Variants in PFKFB2 observed in about 807,000 individuals in gnomAD.
The protein encoded by PFKFB2 is 6-phosphofructo-2-kinase/fructose-2,6-biphosphatase 2, also known as 6-phosphofructo-2-kinase/fructose-2,6-bisphosphatase 2.
A neutral mutation model predicts 68.0 loss-of-function variants in PFKFB2; 53 were observed. The observed-to-expected ratio is 0.78, with a 90% CI of 0.63 to 0.98. The LOEUF (loss-of-function observed/expected upper bound fraction) is 0.98, where lower values mean the gene tolerates loss of function less well. Among genes scored for constraint, PFKFB2 ranks in the 50% least tolerant of loss-of-function variants. The pLI, the probability that PFKFB2 is intolerant of heterozygous loss-of-function variation, is 0.00. For missense variants in PFKFB2, 451 were observed against 642.0 expected (o/e 0.70, Z 3.22); for synonymous variants, 222 against 227.6 (o/e 0.98, Z 0.22).
At chr1:207,051,117 AGT>A, upstream of PFKFB2, 2 of 1,426,506 alleles carry the variant, frequency 1.4e-6, no homozygotes, top group Non-Finnish European at 1.8e-6. Flanking sequence ...ACTCTTTTAA[AGT>A]GACAACTGAT....
rs764049165 is a variant in PFKFB2 at position 207,068,143 on chromosome 1, T to TTTTCA, written c.841-16_841-12dup. The TTTTCA allele has an allele frequency of 1.3e-6, 2 of 1,596,218 alleles. No individual in the cohort carries two copies. The highest frequency in any genetic ancestry group is 2.7e-5 in the African/African-American group (2 of 73,286). ...CTGTGTGTTTTCTTTTTACCCTTAA[T>TTTTCA]TTTCATTTTTAAACCCCAGTTTGCC... On this transcript the variant is annotated intron_variant, in intron 9 of 14. Coordinates refer to ENST00000367080, the MANE Select transcript of PFKFB2 (RefSeq NM_006212.2).
At chr1:207,051,036 G>C (rs1418336304), upstream of PFKFB2, 1 of 1,497,366 alleles carries the variant, frequency 6.7e-7, no homozygotes, top group Admixed American at 2.3e-5. Context: ...AACATCGCGA[G>C]AAGTTGCGGG....
Position 207,063,671 on chromosome 1 carries a change from T to C in PFKFB2, c.451-102T>C. The C allele has an allele frequency of 3.0e-6, 3 of 991,468 alleles. No homozygotes were observed. The highest frequency in any genetic ancestry group is 4.9e-6 in the Non-Finnish European group (3 of 616,198). 61.4% of individuals were successfully genotyped at this position (991,468 alleles called of 1,614,324 possible). A position where few individuals can be genotyped will look rare whatever the true frequency, so the allele number is the denominator to read the frequency against. On this transcript the variant is annotated intron_variant, in intron 6 of 14. Transcript: ENST00000367080. The surrounding 1 kb of genome is among the most constrained non-coding windows in gnomAD (Gnocchi z 4.1). ...TTGAGGGCCACTTTCATGAAGAAAA[T>C]CCTGGGAGATGTGGTGGCTGGGTGG...
rs192200430 is a variant in PFKFB2, at chr1:207,046,735, A to G, written c.-18+4523A>G. 20 of 152,136 alleles carry G rather than the reference A, an allele frequency of 1.3e-4. 1 individual carries two copies. The highest frequency in any genetic ancestry group is 2.2e-4 in the Non-Finnish European group (15 of 67,934). The allele number at this position is 152,136 out of a possible 1,614,324, so 9.4% of individuals were successfully genotyped here. On this transcript the variant is annotated intron_variant, in intron 2 of 5. Coordinates refer to the PFKFB2 transcript ENST00000545806. Reference sequence around the variant, plus strand: ...ATGAAGGGGTTTAATTCTGTAAAATATCAGTGTTCTATTCCTTTCCATTTG... The same window carrying G: ...ATGAAGGGGTTTAATTCTGTAAAATGTCAGTGTTCTATTCCTTTCCATTTG...
At chr1:207,077,879 C>G, downstream of PFKFB2, 1 of 855,336 alleles carries the variant, frequency 1.2e-6, no homozygotes, top group Non-Finnish European at 1.4e-6. Context: ...CCTTCCCCAC[C>G]CCTAAAACTT....
At chr1:207,046,117 G>C (rs1325276030) in intron 2 of PFKFB2, 1 of 151,994 alleles carries the variant, frequency 6.6e-6, no homozygotes, top group Non-Finnish European at 1.5e-5. Context: ...AGAAAAGTAA[G>C]AGAAAGGAAG....
intron 1 of PFKFB2, among the ~76,000 whole-genome samples, chr1:207,040,963 C>G (rs957558249): frequency 1.5e-4 from 20 of 134,750 alleles, no homozygotes; most frequent in Admixed American, 1.2e-3. Context: ...GAGTCTCGCT[C>G]TGTCGCCTAG....
chr1:207,070,451 A>T lies in PFKFB2; in HGVS notation c.1222+42A>T. On this transcript the variant is annotated intron_variant, in intron 12 of 14. Coordinates refer to ENST00000367080, the MANE Select transcript of PFKFB2 (RefSeq NM_006212.2). The surrounding 1 kb of genome is among the most constrained non-coding windows in gnomAD (Gnocchi z 4.2). ...GGCTGGGAGACACATCCAGTGGGAG[A>T]GGGCTGGACTTGCAGTGGCACCAGG... The T allele has an allele frequency of 6.3e-7, 1 of 1,600,000 alleles. No homozygotes were observed. The highest frequency in any genetic ancestry group is 8.5e-7 in the Non-Finnish European group (1 of 1,171,152).
chr1:207,072,990 T>A lies in PFKFB2; in HGVS notation c.*619T>A. On this transcript the variant is annotated 3_prime_UTR_variant, in exon 15 of 15. Transcript: ENST00000367080. ...GCTTTCTGCAGTGGGTCTAAATGGA[T>A]CTGGACTGGAGGAGTCTTTCCTTTC... 1 of 985,502 alleles carries A rather than the reference T, an allele frequency of 1.0e-6. No individual in the cohort carries two copies. Among genetic ancestry groups the A allele is most frequent in the Non-Finnish European group, 1.2e-6 (1 of 830,050 alleles). The allele number at this position is 985,502 out of a possible 1,614,324, so 61.0% of individuals were successfully genotyped here. A position where few individuals can be genotyped will look rare whatever the true frequency, so the allele number is the denominator to read the frequency against.
At chr1:207,040,086 C>T (rs1457825993) in intron 1 of PFKFB2, among the ~76,000 whole-genome samples, 2 of 152,118 alleles carry the variant, frequency 1.3e-5, no homozygotes, top group Non-Finnish European at 2.9e-5. Flanking sequence ...CCAGCACTGG[C>T]GTGGGGACTA....
chr1:207,041,859 A>C (rs1046398365), intron 1 of PFKFB2, among the ~76,000 whole-genome samples: 5 of 152,238 alleles, frequency 3.3e-5, no homozygotes, highest in African/African-American at 1.2e-4. Context: ...ACAGTGTAAC[A>C]CGTGCCTATT....
intron 1 of PFKFB2, among the ~76,000 whole-genome samples, chr1:207,039,559 C>A (rs879350866): frequency 2.6e-5 from 4 of 152,118 alleles, no homozygotes; most frequent in Non-Finnish European, 4.4e-5. Context: ...CAAATTCTTA[C>A]GAAACCCTTC....
intron 1 of PFKFB2, among the ~76,000 whole-genome samples, chr1:207,035,654 AAAACAAAC>A (rs994493045): frequency 6.6e-6 from 1 of 150,996 alleles, no homozygotes; most frequent in African/African-American, 2.5e-5. Flanking sequence ...CCCTGTCTTA[AAAACAAAC>A]AAACAAACAA....
At chr1:207,048,250 T>C (rs897167571) in intron 2 of PFKFB2, 1 of 152,626 alleles carries the variant, frequency 6.6e-6, no homozygotes, top group African/African-American at 2.4e-5. Context: ...CAGGCACCTA[T>C]TCCCTCATAC....
intron 9 of PFKFB2, 51 bp downstream of exon 9, chr1:207,067,757 C>A: frequency 7.1e-7 from 1 of 1,405,536 alleles, no homozygotes; most frequent in Non-Finnish European, 1.0e-6. Context: ...GTTAGAAGGG[C>A]ATGACTGAGG....
At chr1:207,056,843 C>T (rs1005797380) in intron 2 of PFKFB2, among the ~76,000 whole-genome samples, 3 of 152,172 alleles carry the variant, frequency 2.0e-5, no homozygotes, top group African/African-American at 4.8e-5. Flanking sequence ...TGTTAACTTA[C>T]TTCCTTTTCC....
chr1:207,055,438 G>C (rs771575807), intron 2 of PFKFB2, among the ~76,000 whole-genome samples: 5 of 152,066 alleles, frequency 3.3e-5, no homozygotes, highest in African/African-American at 9.7e-5. Flanking sequence ...ACAGCAGGAG[G>C]GTTTGCGAGG....
At chr1:207,053,206 A>G (rs1682805378), upstream of PFKFB2, 1 of 152,416 alleles carries the variant, frequency 6.6e-6, no homozygotes, top group African/African-American at 2.4e-5. Flanking sequence ...GATTCTCTCC[A>G]GGTGAGGACC....
Position 207,077,151 on chromosome 1 carries a change from CCCTG to C in PFKFB2, c.*4782_*4785del. On this transcript the variant is annotated 3_prime_UTR_variant, in exon 15 of 15. Coordinates refer to ENST00000367080, the MANE Select transcript of PFKFB2 (RefSeq NM_006212.2). ...TTACTTGAAGTCATCTCATCCAGTC[CCCTG>C]CTTTAGGGCAGGACTTCAGTTCCAC... is the stretch of plus-strand genomic sequence containing the variant. 1.0e-6 allele frequency: 1 copy of C among 984,822 alleles called. No individual in the cohort carries two copies. 61.0% of individuals were successfully genotyped at this position (984,822 alleles called of 1,614,324 possible). A position where few individuals can be genotyped will look rare whatever the true frequency, so the allele number is the denominator to read the frequency against.
Sources: gnomAD v4.1 joint callset for allele counts (sites outside exome capture counted in the v4.1 genomes callset) on GRCh38, gnomAD v4.1.1 for gene constraint, Gnocchi (gnomAD v3.1) non-coding constraint, MANE v1.5 for transcripts, NCBI Gene and HGNC (gene_info 2026-07-23, HGNC 2026-07-21) for gene names.